ACTR3C: variants seen among roughly 807,000 people sequenced by gnomAD.
The protein encoded by ACTR3C is actin-related protein 3C.
In ACTR3C, 18 loss-of-function variants were observed where a neutral mutation model predicts 26.3. That is an observed-to-expected ratio of 0.68 (90% CI 0.47 to 1.01). The LOEUF (loss-of-function observed/expected upper bound fraction) is 1.01. ACTR3C is among the 50% of genes least tolerant of loss of function. The probability of loss-of-function intolerance (pLI) is 0.00; values close to 1 mark genes in which losing one functional copy is unlikely to be tolerated. For synonymous variants in ACTR3C, 55 were observed against 94.5 expected (o/e 0.58, Z 2.42); for missense variants, 184 against 250.7 (o/e 0.73, Z 1.80).
At chr7:149,903,865 C>CTTT in the ACTR3C span, among the ~76,000 whole-genome samples, 15,685 of 49,098 alleles carry the variant, frequency 0.32, 2,311 homozygotes, top group African/African-American at 0.34. Context: ...AGTGTAAGGG[C>CTTT]GTTGTTGTTG....
At chr7:149,925,913 A>G in the ACTR3C span, among the ~76,000 whole-genome samples, 1 of 152,018 alleles carries the variant, frequency 6.6e-6, no homozygotes, top group Non-Finnish European at 1.5e-5. Context: ...AAATACAAAA[A>G]TTAGCCCGAT....
the ACTR3C span, among the ~76,000 whole-genome samples, chr7:149,904,829 AC>A: frequency 6.6e-6 from 1 of 151,092 alleles, no homozygotes; most frequent in Non-Finnish European, 1.5e-5. Flanking sequence ...CCCCATCTCT[AC>A]TAAAAATACA....
At chr7:150,313,888 A>T (rs973638105) in intron 1 of ACTR3C, among the ~76,000 whole-genome samples, 6 of 152,198 alleles carry the variant, frequency 3.9e-5, no homozygotes, top group African/African-American at 1.4e-4. Flanking sequence ...CTTTCCCAGA[A>T]ATCTTTGGAG....
At chr7:150,036,614 A>T in the ACTR3C span, among the ~76,000 whole-genome samples, 2 of 143,834 alleles carry the variant, frequency 1.4e-5, no homozygotes, top group Admixed American at 6.8e-5. Flanking sequence ...TGGGATCCAC[A>T]GTCTACGAAA....
the ACTR3C span, among the ~76,000 whole-genome samples, chr7:150,039,832 C>CT: frequency 2.3e-5 from 3 of 127,964 alleles, no homozygotes; most frequent in Non-Finnish European, 3.5e-5. Context: ...TGCCTCCGCC[C>CT]CCAGCGATGG....
the ACTR3C span, among the ~76,000 whole-genome samples, chr7:150,039,669 T>C: frequency 7.6e-4 from 92 of 120,866 alleles, no homozygotes; most frequent in Admixed American, 1.1e-3. Flanking sequence ...CTAAGGATCT[T>C]AGGATCAACG....
At chr7:149,906,412 CTTTTTTTTTTTTTTT>C in the ACTR3C span, among the ~76,000 whole-genome samples, 5 of 72,108 alleles carry the variant, frequency 6.9e-5, no homozygotes, top group Admixed American at 1.8e-4. Context: ...GGGTTTGTTT[CTTTTTTTTTTTTTTT>C]TTTTTTTTTT....
At chr7:150,080,251 T>A in the ACTR3C span, among the ~76,000 whole-genome samples, 1 of 151,002 alleles carries the variant, frequency 6.6e-6, no homozygotes, top group Non-Finnish European at 1.5e-5. Context: ...CTCAAAGTCA[T>A]CAGGCAGCTT....
At chr7:150,319,282 A>C (rs1359799150) in intron 1 of ACTR3C, among the ~76,000 whole-genome samples, 6 of 150,830 alleles carry the variant, frequency 4.0e-5, no homozygotes, top group African/African-American at 1.5e-4. Flanking sequence ...AGCTTGGCTC[A>C]CCACAAGCTC....
the ACTR3C span, among the ~76,000 whole-genome samples, chr7:149,936,463 T>C: frequency 6.6e-6 from 1 of 152,210 alleles, no homozygotes; most frequent in African/African-American, 2.4e-5. Flanking sequence ...CTGCTCATTT[T>C]AGCATAGTTT....
At chr7:149,973,225 G>C in the ACTR3C span, among the ~76,000 whole-genome samples, 1 of 152,196 alleles carries the variant, frequency 6.6e-6, no homozygotes, top group Non-Finnish European at 1.5e-5. Flanking sequence ...CCCACCCGGG[G>C]GTGAAGGAGC....
At chr7:150,295,510 G>A (rs1176017737) in intron 1 of ACTR3C, among the ~76,000 whole-genome samples, 163 bp from the exon 2 acceptor site, 2 of 152,300 alleles carry the variant, frequency 1.3e-5, no homozygotes, top group Admixed American at 6.5e-5. Flanking sequence ...ATCTGGCCGT[G>A]GGCCTTAAAA....
chr7:150,281,312 T>C (rs1015773217), intron 6 of ACTR3C, among the ~76,000 whole-genome samples: 4 of 151,344 alleles, frequency 2.6e-5, no homozygotes, highest in Non-Finnish European at 5.9e-5. Flanking sequence ...AGAATTATTT[T>C]TAAAAACCCA....
the ACTR3C span, among the ~76,000 whole-genome samples, chr7:150,192,907 T>C: frequency 2.0e-5 from 3 of 152,252 alleles, no homozygotes; most frequent in East Asian, 5.8e-4. Flanking sequence ...TTTTACTGAT[T>C]GTCTTGCACA....
chr7:150,284,157 C>T (rs1835573350), intron 6 of ACTR3C, among the ~76,000 whole-genome samples: 1 of 152,216 alleles, frequency 6.6e-6, no homozygotes. Flanking sequence ...GAGGGCATCA[C>T]TCTTACTTTC....
chr7:150,250,445 C>A (rs77192781), intron 6 of ACTR3C, among the ~76,000 whole-genome samples: 27,729 of 150,970 alleles, frequency 0.18, 4,481 homozygotes, highest in African/African-American at 0.42. Flanking sequence ...CCTCGTGATC[C>A]GCCCGCCTCG....
At chr7:150,248,249 AGGTAGAGT>A (rs1223484704) in intron 7 of ACTR3C, 1 of 152,296 alleles carries the variant, frequency 6.6e-6, no homozygotes, top group Non-Finnish European at 1.5e-5. Context: ...AGGCAACTCA[AGGTAGAGT>A]GGTCCGCGTT....
chr7:150,242,603 TTGAG>T (rs1398991078), downstream of ACTR3C, among the ~76,000 whole-genome samples: 1 of 152,166 alleles, frequency 6.6e-6, no homozygotes, highest in Non-Finnish European at 1.5e-5. Flanking sequence ...CTATAATAGT[TTGAG>T]TGGTTAAGTC....
At chr7:150,174,769 C>A in the ACTR3C span, among the ~76,000 whole-genome samples, 1 of 147,812 alleles carries the variant, frequency 6.8e-6, no homozygotes, top group Non-Finnish European at 1.5e-5. Context: ...ACTACAGGCC[C>A]AAATGGCTTC....
Sources: allele counts gnomAD v4.1 joint callset (sites outside exome capture counted in the v4.1 genomes callset), GRCh38; gene constraint gnomAD v4.1.1; transcripts MANE v1.5; gene names NCBI Gene and HGNC (gene_info 2026-07-23, HGNC 2026-07-21).